Variants in CERS6 observed in about 807,000 individuals in gnomAD.
The protein encoded by CERS6 is LAG1 homolog, ceramide synthase 6.
A neutral mutation model predicts 56.8 loss-of-function variants in CERS6; 26 were observed. The observed-to-expected ratio is 0.46, with a 90% CI of 0.34 to 0.63. CERS6 has a LOEUF of 0.63. Among genes scored for constraint, CERS6 ranks in the 30% least tolerant of loss-of-function variants. CERS6 has a pLI of 0.01. For synonymous variants in CERS6, 164 were observed against 173.3 expected, an observed-to-expected ratio of 0.95 and a Z score of 0.42; for missense variants, 415 against 467.5, an observed-to-expected ratio of 0.89 and a Z score of 1.04.
chr2:168,670,005 T>A (rs1685868304), intron 4 of CERS6, among the ~76,000 whole-genome samples: 1 of 152,228 alleles, frequency 6.6e-6, no homozygotes, highest in Admixed American at 6.5e-5. Context: ...TCCATCGGAT[T>A]CATTTTTGTA....
intron 4 of CERS6, among the ~76,000 whole-genome samples, chr2:168,680,272 C>T (rs951578578): frequency 6.6e-6 from 1 of 152,184 alleles, no homozygotes; most frequent in Non-Finnish European, 1.5e-5. Context: ...TCACAGTGGT[C>T]TGCCAAGCAG....
chr2:168,640,384 A>G (rs1448179155), intron 4 of CERS6, among the ~76,000 whole-genome samples: 1 of 152,196 alleles, frequency 6.6e-6, no homozygotes, highest in African/African-American at 2.4e-5. Flanking sequence ...ATTCCTGGCT[A>G]TTTCCAAAGA....
chr2:168,631,550 T>C (rs13024425), intron 4 of CERS6, among the ~76,000 whole-genome samples: 1 of 48,772 alleles, frequency 2.1e-5, no homozygotes, highest in Non-Finnish European at 3.7e-5. Context: ...TATATTATAT[T>C]TTTAATATTT....
chr2:168,755,716 A>G (rs1434377333), intron 8 of CERS6, among the ~76,000 whole-genome samples: 2 of 152,258 alleles, frequency 1.3e-5, no homozygotes, highest in Non-Finnish European at 2.9e-5. Context: ...TTTCTGCTGT[A>G]AATAGCCATC....
At chr2:168,532,339 A>G (rs529863101) in intron 1 of CERS6, among the ~76,000 whole-genome samples, 1 of 152,086 alleles carries the variant, frequency 6.6e-6, no homozygotes, top group Non-Finnish European at 1.5e-5. Flanking sequence ...GCCCAGGAAG[A>G]AGCAATTTCT....
At chr2:168,567,291 T>C (rs1399660298) in intron 3 of CERS6, among the ~76,000 whole-genome samples, 2 of 152,270 alleles carry the variant, frequency 1.3e-5, no homozygotes, top group Admixed American at 6.5e-5. Context: ...GACTATTACC[T>C]TAAACAGTTT....
chr2:168,471,958 CTG>C (rs929552132), intron 1 of CERS6, among the ~76,000 whole-genome samples: 3 of 152,128 alleles, frequency 2.0e-5, no homozygotes, highest in Non-Finnish European at 2.9e-5. Flanking sequence ...CAGTTCGAAT[CTG>C]TGGAGAGAGG....
At position 168,641,575 on chromosome 2, in the gene CERS6, A is replaced by T. The variant is rs769044637; in HGVS notation, c.465+10533A>T. Among the ~76,000 whole-genome samples, 30 of 152,248 alleles carry T rather than the reference A, an allele frequency of 2.0e-4. 1 individual carries two copies. The highest frequency in any genetic ancestry group is 6.7e-4 in the African/African-American group (28 of 41,534). ...ACCTACCGGCCCAGGTTCTTTGTGG[A>T]TCCCCTCACCATTGAACACCTATAA... On this transcript the variant is annotated intron_variant, in intron 4 of 9. Transcript: ENST00000305747.
intron 3 of CERS6, among the ~76,000 whole-genome samples, chr2:168,626,553 C>T (rs907415015): frequency 5.3e-5 from 8 of 152,188 alleles, no homozygotes; most frequent in African/African-American, 1.9e-4. Flanking sequence ...TTTTTACTAG[C>T]TTCCTATTCT....
At chr2:168,739,098 G>A (rs898275288) in intron 8 of CERS6, among the ~76,000 whole-genome samples, 9 of 135,144 alleles carry the variant, frequency 6.7e-5, no homozygotes, top group African/African-American at 2.1e-4. Context: ...TAGTAGAGAC[G>A]GGGTTTCACC....
chr2:168,482,491 CT>C (rs1344675878), intron 1 of CERS6, among the ~76,000 whole-genome samples: 1 of 152,250 alleles, frequency 6.6e-6, no homozygotes, highest in Non-Finnish European at 1.5e-5. Context: ...GTGCCTTCAG[CT>C]TTCTCACACA....
chr2:168,558,736 G>A (rs1695730405), intron 2 of CERS6, among the ~76,000 whole-genome samples: 2 of 152,192 alleles, frequency 1.3e-5, no homozygotes. Context: ...GGGTGTGGTG[G>A]CTGGCGCCTG....
chr2:168,740,775 A>G (rs1391268940), intron 8 of CERS6, among the ~76,000 whole-genome samples: 5 of 152,242 alleles, frequency 3.3e-5, no homozygotes, highest in Non-Finnish European at 5.9e-5. Flanking sequence ...ATACTGCCAC[A>G]TGATTTCATT....
intron 1 of CERS6, among the ~76,000 whole-genome samples, chr2:168,500,541 T>A (rs1346317088): frequency 6.6e-6 from 1 of 152,204 alleles, no homozygotes; most frequent in Admixed American, 6.5e-5. Context: ...TTTGGGACAG[T>A]TTAACCAGAG....
At chr2:168,593,809 G>T (rs569865606) in intron 3 of CERS6, among the ~76,000 whole-genome samples, 1 of 152,210 alleles carries the variant, frequency 6.6e-6, no homozygotes, top group East Asian at 1.9e-4. Context: ...TCCTAAGTTT[G>T]CATAAAGTTT....
At chr2:168,653,877 T>C (rs1385735545) in intron 4 of CERS6, among the ~76,000 whole-genome samples, 1 of 152,222 alleles carries the variant, frequency 6.6e-6, no homozygotes, top group East Asian at 1.9e-4. Flanking sequence ...TTGAAAGTGC[T>C]AGTCAGATGG....
At chr2:168,484,342 C>T (rs1429241241) in intron 1 of CERS6, among the ~76,000 whole-genome samples, 10 of 151,518 alleles carry the variant, frequency 6.6e-5, no homozygotes, top group African/African-American at 1.2e-4. Flanking sequence ...CCTCCATGCC[C>T]GGCTAATTTT....
At chr2:168,710,823 T>C (rs1462442140) in intron 6 of CERS6, among the ~76,000 whole-genome samples, 1 of 152,218 alleles carries the variant, frequency 6.6e-6, no homozygotes, top group African/African-American at 2.4e-5. Flanking sequence ...CAGAGTATGG[T>C]CATCATTTCT....
chr2:168,588,196 A>G (rs1408452774), intron 3 of CERS6, among the ~76,000 whole-genome samples: 1 of 151,712 alleles, frequency 6.6e-6, no homozygotes, highest in Non-Finnish European at 1.5e-5. Flanking sequence ...TTGGGATTAC[A>G]GGCAAGAGCC....
Sources: gnomAD v4.1 joint callset for allele counts (sites outside exome capture counted in the v4.1 genomes callset) on GRCh38, gnomAD v4.1.1 for gene constraint, MANE v1.5 for transcripts, NCBI Gene and HGNC (gene_info 2026-07-23, HGNC 2026-07-21) for gene names.